Variants in ANK3 observed in about 807,000 individuals in gnomAD.
ANK3 encodes ankyrin 3.
A neutral mutation model predicts 370.9 loss-of-function variants in ANK3; 57 were observed. The ratio of observed to expected loss-of-function variants is 0.15; its 90% CI spans 0.12 to 0.19. The LOEUF (loss-of-function observed/expected upper bound fraction) is 0.19. ANK3 is among the 10% of genes least tolerant of loss of function. The pLI, the probability that ANK3 is intolerant of heterozygous loss-of-function variation, is 1.00. For missense variants in ANK3, 4,439 were observed against 5,302.1 expected, an observed-to-expected ratio of 0.84 and a Z score of 5.06; for synonymous variants, 1,929 against 1,946.3, an observed-to-expected ratio of 0.99 and a Z score of 0.23.
intron 1 of ANK3, among the ~76,000 whole-genome samples, chr10:60,671,775 T>C (rs561265207): frequency 6.6e-6 from 1 of 152,332 alleles, no homozygotes; most frequent in Admixed American, 6.5e-5. Flanking sequence ...AGCCATGTTG[T>C]GAGGATGCTC....
chr10:60,562,007 C>G (rs2077346551), intron 2 of ANK3, among the ~76,000 whole-genome samples: 1 of 152,314 alleles, frequency 6.6e-6, no homozygotes, highest in Admixed American at 6.5e-5. Context: ...GTATTCCTTG[C>G]ACCTAGAATA....
chr10:60,110,223 C>T (rs922922642), intron 26 of ANK3, among the ~76,000 whole-genome samples: 2 of 152,084 alleles, frequency 1.3e-5, no homozygotes, highest in Non-Finnish European at 2.9e-5. Flanking sequence ...AGCTGGGGAC[C>T]GTCTTCTGAA....
At chr10:60,093,819 C>G (rs2089368709) in intron 28 of ANK3, among the ~76,000 whole-genome samples, 1 of 152,190 alleles carries the variant, frequency 6.6e-6, no homozygotes, top group Non-Finnish European at 1.5e-5. Context: ...ACTATATAAA[C>G]AGAGAAGCTC....
At chr10:60,174,145 C>T (rs937681321) in intron 18 of ANK3, among the ~76,000 whole-genome samples, 2 of 152,104 alleles carry the variant, frequency 1.3e-5, no homozygotes, top group African/African-American at 2.4e-5. Context: ...ATGGTGACCC[C>T]AGCAAATGAA....
chr10:60,653,150 G>C (rs1056246377), intron 1 of ANK3, among the ~76,000 whole-genome samples: 2 of 152,018 alleles, frequency 1.3e-5, no homozygotes, highest in African/African-American at 4.8e-5. Context: ...TTTTTATCCT[G>C]AGAGTACCCA....
chr10:60,074,671 T>C lies in ANK3; in HGVS notation c.6210A>G (p.Pro2070=). 6.2e-7 allele frequency: 1 copy of C among 1,613,636 alleles called. No individual in the cohort carries two copies. Among genetic ancestry groups the C allele is most frequent in the Non-Finnish European group, 8.5e-7 (1 of 1,179,892 alleles). ...GEERQKRVLK[P]AIALQEHKLK... is the part of the protein sequence containing the mutation. ...GTTTGTGTTCCTGCAAAGCAATTGC[T>C]GGTTTTAAAACTCTTTTCTGTCTCT... Residue 2070 remains proline, a synonymous_variant, in exon 37 of 44, where the codon CCA becomes CCG. Coordinates refer to ENST00000280772, the MANE Select transcript of ANK3 (RefSeq NM_020987.5).
At chr10:60,313,131 A>G (rs1036272707) in intron 1 of ANK3, among the ~76,000 whole-genome samples, 3 of 152,230 alleles carry the variant, frequency 2.0e-5, no homozygotes, top group East Asian at 3.8e-4. Flanking sequence ...AGAACTGACC[A>G]GAACAGAATT....
At chr10:60,447,811 C>T (rs913790158) in intron 2 of ANK3, among the ~76,000 whole-genome samples, 8 of 152,128 alleles carry the variant, frequency 5.3e-5, no homozygotes, top group Admixed American at 2.6e-4. Flanking sequence ...GGCCTAGATA[C>T]GCAACCCTCC....
At chr10:60,246,155 C>T (rs1416524499) in intron 7 of ANK3, among the ~76,000 whole-genome samples, 1 of 149,238 alleles carries the variant, frequency 6.7e-6, no homozygotes, top group Admixed American at 6.7e-5. Flanking sequence ...ACTTGGGAGG[C>T]TGATGCACGA....
intron 1 of ANK3, chr10:60,684,372 G>A (rs760818283): frequency 2.4e-5 from 12 of 500,432 alleles, no homozygotes; most frequent in South Asian, 6.6e-5. Context: ...CCTCCCCAGC[G>A]GCTGAGAGAG....
chr10:60,485,397 G>A (rs1472802305), intron 2 of ANK3, among the ~76,000 whole-genome samples: 1 of 152,212 alleles, frequency 6.6e-6, no homozygotes, highest in African/African-American at 2.4e-5. Flanking sequence ...ATGAAGCCAT[G>A]CAAACAGGCA....
intron 2 of ANK3, among the ~76,000 whole-genome samples, chr10:60,599,226 C>A (rs1170857771): frequency 6.6e-6 from 1 of 152,060 alleles, no homozygotes; most frequent in East Asian, 1.9e-4. Context: ...CCACTGAGCC[C>A]AGCCTGTGTT....
chr10:60,404,230 T>C (rs1361523386), intron 2 of ANK3, among the ~76,000 whole-genome samples: 1 of 151,926 alleles, frequency 6.6e-6, no homozygotes, highest in Non-Finnish European at 1.5e-5. Flanking sequence ...TTTAAAAAAA[T>C]AGACAAACTT....
At chr10:60,443,931 G>A (rs1230380982) in intron 2 of ANK3, among the ~76,000 whole-genome samples, 1 of 152,038 alleles carries the variant, frequency 6.6e-6, no homozygotes, top group African/African-American at 2.4e-5. Context: ...ACTAATATCA[G>A]AATCTACTCA....
chr10:60,261,836 A>G (rs1012627238), intron 7 of ANK3, 23 bp downstream of exon 7: 5 of 1,603,904 alleles, frequency 3.1e-6, no homozygotes, highest in Middle Eastern at 3.3e-4. Flanking sequence ...CTTTAAAGGT[A>G]TTACACATTG....
intron 1 of ANK3, among the ~76,000 whole-genome samples, chr10:60,357,740 C>T (rs1395382768): frequency 6.6e-6 from 1 of 152,036 alleles, no homozygotes; most frequent in African/African-American, 2.4e-5. Flanking sequence ...ATTCTTTAAA[C>T]CCTCTTCATT....
At chr10:60,119,695 C>A (rs920716855) in intron 25 of ANK3, among the ~76,000 whole-genome samples, 1 of 152,082 alleles carries the variant, frequency 6.6e-6, no homozygotes, top group Non-Finnish European at 1.5e-5. Flanking sequence ...TCGCTTGAAC[C>A]CGGGGTACAG....
chr10:60,274,909 G>A (rs946763933), intron 4 of ANK3, among the ~76,000 whole-genome samples: 1 of 152,134 alleles, frequency 6.6e-6, no homozygotes, highest in African/African-American at 2.4e-5. Flanking sequence ...AATTAGAAGT[G>A]TTCTTTGGAA....
intron 1 of ANK3, among the ~76,000 whole-genome samples, chr10:60,350,545 A>C (rs1477434105): frequency 6.6e-6 from 1 of 152,216 alleles, no homozygotes. Flanking sequence ...TGTTCAGGCC[A>C]ATCCTCTCAA....
Sources: gnomAD v4.1 joint callset for allele counts (sites outside exome capture counted in the v4.1 genomes callset) on GRCh38, gnomAD v4.1.1 for gene constraint, MANE v1.5 for transcripts, NCBI Gene and HGNC (gene_info 2026-07-23, HGNC 2026-07-21) for gene names.